Variants in LRRC4C observed in about 807,000 individuals in gnomAD.
The protein encoded by LRRC4C is leucine-rich repeat-containing protein 4C.
A neutral mutation model predicts 33.6 loss-of-function variants in LRRC4C; 5 were observed. The observed-to-expected ratio is 0.15, with a 90% confidence interval of 0.08 to 0.31. The LOEUF (loss-of-function observed/expected upper bound fraction) is 0.31. Among genes scored for constraint, LRRC4C ranks in the 10% least tolerant of loss-of-function variants. LRRC4C has a pLI of 1.00. For synonymous variants in LRRC4C, 329 were observed against 302.0 expected (o/e 1.09, Z -0.93); for missense variants, 560 against 796.7 (o/e 0.70, Z 3.58).
intron 3 of LRRC4C, among the ~76,000 whole-genome samples, chr11:40,608,376 A>T (rs910266733): frequency 6.6e-6 from 1 of 152,032 alleles, no homozygotes; most frequent in Non-Finnish European, 1.5e-5. Flanking sequence ...GAAAATAGCT[A>T]TAGAAGACAC....
intron 1 of LRRC4C, among the ~76,000 whole-genome samples, chr11:41,395,378 T>C (rs985307800): frequency 2.0e-5 from 3 of 151,842 alleles, no homozygotes; most frequent in Non-Finnish European, 4.4e-5. Flanking sequence ...AATAATGAGG[T>C]CTGGAGACGT....
intron 2 of LRRC4C, among the ~76,000 whole-genome samples, chr11:40,929,798 G>T (rs1957542568): frequency 6.6e-6 from 1 of 152,026 alleles, no homozygotes. Flanking sequence ...ACATATGAAA[G>T]AAAAGAGCAA....
At position 40,645,773 on chromosome 11, in the gene LRRC4C, C is replaced by A. The variant is rs1227073936; in HGVS notation, c.-270+2369G>T. Among the ~76,000 whole-genome samples the A allele has an allele frequency of 2.0e-5, 3 of 152,212 alleles. No individual in the cohort carries two copies. The East Asian group carries it at 5.8e-4, about 30-fold the overall frequency. On this transcript the variant is annotated intron_variant, in intron 3 of 6. Coordinates refer to ENST00000528697, the MANE Select transcript of LRRC4C (RefSeq NM_001258419.2). Reference sequence around the variant, plus strand: ...ATTCTGCATCCCAGCTCCGTGGGTACCCCAATCTGAGTTTCTGGGGTACAG... The same window carrying A: ...ATTCTGCATCCCAGCTCCGTGGGTAACCCAATCTGAGTTTCTGGGGTACAG...
chr11:40,824,334 A>G (rs1366489298), intron 2 of LRRC4C, among the ~76,000 whole-genome samples: 1 of 151,992 alleles, frequency 6.6e-6, no homozygotes, highest in Non-Finnish European at 1.5e-5. Flanking sequence ...TATTAGGATA[A>G]AATTCAAAAA....
rs561353799 is a variant in LRRC4C, at chr11:40,521,278, G to A, written c.-270+126864C>T. Among the ~76,000 whole-genome samples the A allele has an allele frequency of 3.3e-5, 5 of 152,272 alleles. No individual in the cohort carries two copies. The South Asian group carries it at 1.0e-3, about 32-fold the overall frequency. The stretch of plus-strand genomic sequence containing the variant: ...ATTTAATTTCAAAAGATGGGTCCAT[G>A]AGACATGAAGCATTGTAATGTAATA... On this transcript the variant is annotated intron_variant, in intron 3 of 6. Transcript: ENST00000528697.
intron 5 of LRRC4C, among the ~76,000 whole-genome samples, chr11:40,204,050 G>A (rs1862965374): frequency 6.6e-6 from 1 of 152,222 alleles, no homozygotes; most frequent in Non-Finnish European, 1.5e-5. Flanking sequence ...AACCTCCCAA[G>A]TAACTGGGAC....
At chr11:41,280,347 T>C (rs547613575) in intron 1 of LRRC4C, among the ~76,000 whole-genome samples, 91 of 142,682 alleles carry the variant, frequency 6.4e-4, no homozygotes, top group Non-Finnish European at 1.2e-3. Context: ...ATGGGTCAAG[T>C]AGTCCAAACC....
chr11:40,304,212 T>C (rs193086093), intron 4 of LRRC4C, among the ~76,000 whole-genome samples: 1 of 152,308 alleles, frequency 6.6e-6, no homozygotes, highest in Admixed American at 6.5e-5. Context: ...CTAGCTCTTT[T>C]TCCTTAAGGT....
intron 1 of LRRC4C, among the ~76,000 whole-genome samples, chr11:41,134,353 C>T (rs1565414277): frequency 6.6e-6 from 1 of 152,162 alleles, no homozygotes; most frequent in Non-Finnish European, 1.5e-5. Flanking sequence ...ATTCTACCAC[C>T]TCAGCCTCCC....
At chr11:40,285,677 G>T (rs1943787879) in intron 4 of LRRC4C, among the ~76,000 whole-genome samples, 1 of 152,172 alleles carries the variant, frequency 6.6e-6, no homozygotes. Context: ...TATACGGAAG[G>T]TATATGTGAC....
intron 2 of LRRC4C, among the ~76,000 whole-genome samples, chr11:40,779,876 C>A (rs1357392771): frequency 6.6e-6 from 1 of 151,992 alleles, no homozygotes; most frequent in African/African-American, 2.4e-5. Context: ...ATGGATGGTG[C>A]CTAAAGTGAT....
chr11:41,010,795 GGCT>G (rs1175449455), intron 1 of LRRC4C, among the ~76,000 whole-genome samples: 1 of 152,032 alleles, frequency 6.6e-6, no homozygotes, highest in Non-Finnish European at 1.5e-5. Context: ...CTATGTCTGT[GGCT>G]GCTACCTGTG....
chr11:40,209,104 C>T (rs1214288837), intron 5 of LRRC4C, among the ~76,000 whole-genome samples: 1 of 152,152 alleles, frequency 6.6e-6, no homozygotes, highest in African/African-American at 2.4e-5. Flanking sequence ...GAATAAGGCA[C>T]ATTCCCTGTC....
At chr11:40,426,346 A>C in intron 3 of LRRC4C, among the ~76,000 whole-genome samples, 1 of 150,700 alleles carries the variant, frequency 6.6e-6, no homozygotes. Flanking sequence ...CCTACCCTAC[A>C]ACTCTCATAT....
intron 1 of LRRC4C, among the ~76,000 whole-genome samples, chr11:41,372,163 A>T (rs1952774621): frequency 6.6e-6 from 1 of 152,122 alleles, no homozygotes; most frequent in South Asian, 2.1e-4. Flanking sequence ...AATAAAATAA[A>T]ATAAAGAAAT....
At position 40,716,271 on chromosome 11, in the gene LRRC4C, T is replaced by G. The variant is rs138924633; in HGVS notation, c.-406-67993A>C. On this transcript the variant is annotated intron_variant, in intron 2 of 6. Transcript: ENST00000528697. Reference sequence around the variant, plus strand: ...CTTAGGGAGCTGGGTGGTAGATACATGAGTTTTTGTAGTCTTGGTATTCTT... The same window carrying G: ...CTTAGGGAGCTGGGTGGTAGATACAGGAGTTTTTGTAGTCTTGGTATTCTT... Among the ~76,000 whole-genome samples the G allele has an allele frequency of 3.3e-5, 5 of 152,266 alleles. No individual in the cohort carries two copies. In the East Asian group the frequency reaches 9.7e-4, roughly 29 times the overall value.
intron 1 of LRRC4C, among the ~76,000 whole-genome samples, chr11:41,006,539 C>G (rs1419810398): frequency 6.6e-6 from 1 of 152,118 alleles, no homozygotes; most frequent in Non-Finnish European, 1.5e-5. Context: ...GACAGAGCCT[C>G]TAGTGATGAC....
intron 1 of LRRC4C, among the ~76,000 whole-genome samples, chr11:41,365,671 C>T (rs571247912): frequency 1.3e-5 from 2 of 152,206 alleles, no homozygotes; most frequent in East Asian, 3.9e-4. Flanking sequence ...CATTCAATTT[C>T]TGGAGTTGGA....
chr11:41,397,812 T>A (rs922622465), intron 1 of LRRC4C, among the ~76,000 whole-genome samples: 59 of 151,774 alleles, frequency 3.9e-4, no homozygotes, highest in African/African-American at 1.4e-3. Flanking sequence ...TCTAGAGAGG[T>A]AGTGATATGT....
Sources: gnomAD v4.1 joint callset for allele counts (sites outside exome capture counted in the v4.1 genomes callset) on GRCh38, gnomAD v4.1.1 for gene constraint, MANE v1.5 for transcripts, NCBI Gene and HGNC (gene_info 2026-07-23, HGNC 2026-07-21) for gene names.